The following ASAH2 variants were observed in gnomAD, a reference collection of about 807,000 sequenced individuals.
ASAH2 encodes N-acylsphingosine amidohydrolase 2.
A neutral mutation model predicts 82.9 loss-of-function variants in ASAH2; 58 were observed. The observed-to-expected ratio is 0.70, with a 90% CI of 0.57 to 0.87. ASAH2 has a LOEUF of 0.87. Ranked by LOEUF, ASAH2 falls within the 40% of genes least tolerant of loss-of-function variation. The pLI is 0.00. For missense variants in ASAH2, 779 were observed against 834.0 expected (o/e 0.93, Z 0.81); for synonymous variants, 276 against 289.7 (o/e 0.95, Z 0.48).
At chr10:50,197,794 C>T (rs1392699885) in intron 17 of ASAH2, among the ~76,000 whole-genome samples, 2 of 151,738 alleles carry the variant, frequency 1.3e-5, no homozygotes, top group Admixed American at 1.3e-4. Context: ...TTTGAAGAAT[C>T]TATTTTCTTG....
chr10:50,244,601 G>A (rs376195994), intron 3 of ASAH2, among the ~76,000 whole-genome samples: 1 of 152,176 alleles, frequency 6.6e-6, no homozygotes, highest in Non-Finnish European at 1.5e-5. Flanking sequence ...GCCAAGACTA[G>A]CAGTCAATAG....
At chr10:50,232,074 C>A (rs1334261409) in intron 7 of ASAH2, among the ~76,000 whole-genome samples, 3 of 152,242 alleles carry the variant, frequency 2.0e-5, no homozygotes, top group African/African-American at 7.2e-5. Context: ...GTCAACCTTA[C>A]CTCAAGACCT....
At chr10:50,204,630 G>GT (rs1193500666) in intron 14 of ASAH2, among the ~76,000 whole-genome samples, 4 of 151,774 alleles carry the variant, frequency 2.6e-5, no homozygotes, top group South Asian at 2.1e-4. Context: ...TTTGGGATAA[G>GT]TTTTTTTTAA....
chr10:50,227,295 T>C (rs1845909968), intron 7 of ASAH2, among the ~76,000 whole-genome samples: 2 of 151,866 alleles, frequency 1.3e-5, no homozygotes, highest in African/African-American at 4.8e-5. Context: ...AAAAAACACA[T>C]TATTAGATAA....
At chr10:50,247,516 G>A (rs772000744) in intron 2 of ASAH2, among the ~76,000 whole-genome samples, 1 of 151,932 alleles carries the variant, frequency 6.6e-6, no homozygotes, top group Non-Finnish European at 1.5e-5. Flanking sequence ...CTATGACCCT[G>A]CTGTGCCTAC....
At chr10:50,239,975 T>G (rs192463049) in intron 4 of ASAH2, among the ~76,000 whole-genome samples, 51,823 of 151,446 alleles carry the variant, frequency 0.34, 10,662 homozygotes, top group Non-Finnish European at 0.45. Context: ...GACTACAGGC[T>G]CCTTCCAGCA....
intron 4 of ASAH2, among the ~76,000 whole-genome samples, chr10:50,241,926 A>G (rs1846306835): frequency 6.6e-6 from 1 of 152,084 alleles, no homozygotes; most frequent in Admixed American, 6.6e-5. Context: ...TAGGAGAAAC[A>G]CCTAATGTAG....
intron 8 of ASAH2, among the ~76,000 whole-genome samples, chr10:50,217,419 G>T (rs1320842740): frequency 6.6e-6 from 1 of 151,930 alleles, no homozygotes; most frequent in Non-Finnish European, 1.5e-5. Context: ...AGCAGTGACG[G>T]GGTTTCACCA....
chr10:50,199,170 G>A, intron 16 of ASAH2, 24 bp from the exon 17 acceptor site: 1 of 1,611,652 alleles, frequency 6.2e-7, no homozygotes, highest in Middle Eastern at 1.7e-4. Context: ...AGGGAGAGTT[G>A]TATATGGTTC....
At chr10:50,213,801 C>A (rs1257031950) in intron 9 of ASAH2, among the ~76,000 whole-genome samples, 1 of 151,952 alleles carries the variant, frequency 6.6e-6, no homozygotes, top group Admixed American at 6.6e-5. Context: ...ATATTAGGAG[C>A]TTTAAAAAGT....
chr10:50,201,267 A>T (rs1845141445), intron 16 of ASAH2, among the ~76,000 whole-genome samples: 1 of 152,044 alleles, frequency 6.6e-6, no homozygotes, highest in Non-Finnish European at 1.5e-5. Context: ...TTCTTCCTAG[A>T]CACTGGACAA....
chr10:50,218,408 A>C (rs1223208378), intron 8 of ASAH2, 102 bp downstream of exon 8: 8 of 1,508,854 alleles, frequency 5.3e-6, no homozygotes, highest in Non-Finnish European at 7.4e-6. Flanking sequence ...GAGATTGATG[A>C]TGACACTTTA....
At chr10:50,196,081 A>C (rs1844972144) in intron 18 of ASAH2, among the ~76,000 whole-genome samples, 1 of 151,858 alleles carries the variant, frequency 6.6e-6, no homozygotes, top group African/African-American at 2.4e-5. Flanking sequence ...ATGTGACATA[A>C]TGTATATGTT....
intron 3 of ASAH2, 111 bp from the exon 4 acceptor site, chr10:50,243,462 A>C: frequency 2.6e-6 from 3 of 1,169,170 alleles, no homozygotes; most frequent in South Asian, 1.7e-5. Flanking sequence ...AAACATCCAC[A>C]TGACATGGTG....
intron 16 of ASAH2, among the ~76,000 whole-genome samples, chr10:50,202,005 T>C (rs1050645949): frequency 2.8e-4 from 43 of 152,226 alleles, no homozygotes; most frequent in Non-Finnish European, 5.3e-4. Context: ...TTGACTGAAA[T>C]GCTTAATAAT....
chr10:50,225,978 A>C (rs2133218845), intron 7 of ASAH2, among the ~76,000 whole-genome samples: 1 of 152,194 alleles, frequency 6.6e-6, no homozygotes, highest in East Asian at 1.9e-4. Context: ...CTGTAATCCC[A>C]GCTACTCAGG....
At chr10:50,227,539 T>C (rs1456161646) in intron 7 of ASAH2, among the ~76,000 whole-genome samples, 1 of 152,160 alleles carries the variant, frequency 6.6e-6, no homozygotes, top group Admixed American at 6.6e-5. Flanking sequence ...TTCGAGGTAG[T>C]ATAATTTTAA....
intron 8 of ASAH2, among the ~76,000 whole-genome samples, chr10:50,217,986 G>T (rs1360198808): frequency 1.3e-5 from 2 of 152,086 alleles, no homozygotes; most frequent in East Asian, 1.9e-4. Flanking sequence ...TTAGCTGGGC[G>T]TGGGGGTGTG....
chr10:50,245,855 C>G (rs1846441651), intron 2 of ASAH2, among the ~76,000 whole-genome samples: 2 of 152,050 alleles, frequency 1.3e-5, no homozygotes, highest in African/African-American at 4.8e-5. Flanking sequence ...CTCCATCTAC[C>G]AAACTCCACC....
Sources: allele counts gnomAD v4.1 joint callset (sites outside exome capture counted in the v4.1 genomes callset), GRCh38; gene constraint gnomAD v4.1.1; transcripts MANE v1.5; gene names NCBI Gene and HGNC (gene_info 2026-07-23, HGNC 2026-07-21).